Variants in MYRIP observed in about 807,000 individuals in gnomAD.
MYRIP encodes the protein myosin VIIA and Rab interacting protein.
In MYRIP, 49 loss-of-function variants were observed where a neutral mutation model predicts 98.0. The observed-to-expected ratio is 0.50, with a 90% confidence interval of 0.40 to 0.63. MYRIP has a LOEUF of 0.63. Among genes scored for constraint, MYRIP ranks in the 30% least tolerant of loss-of-function variants. The probability of loss-of-function intolerance (pLI) is 0.00; values close to 1 mark genes in which losing one functional copy is unlikely to be tolerated. For synonymous variants in MYRIP, 404 were observed against 409.5 expected, an observed-to-expected ratio of 0.99 and a Z score of 0.16; for missense variants, 1,004 against 1,058.2, an observed-to-expected ratio of 0.95 and a Z score of 0.71.
intron 3 of MYRIP, among the ~76,000 whole-genome samples, chr3:40,063,556 T>A (rs1380168498): frequency 6.6e-6 from 1 of 152,236 alleles, no homozygotes; most frequent in Non-Finnish European, 1.5e-5. Flanking sequence ...AAATTTTCAC[T>A]TGCATCTTTG....
intron 1 of MYRIP, among the ~76,000 whole-genome samples, chr3:39,835,363 G>T (rs901743968): frequency 3.1e-4 from 47 of 152,084 alleles, no homozygotes; most frequent in Admixed American, 1.5e-3. Flanking sequence ...TGGGGGCGGG[G>T]GGTGTGGTGA....
intron 2 of MYRIP, among the ~76,000 whole-genome samples, chr3:39,975,478 T>A (rs998718791): frequency 6.6e-6 from 1 of 151,852 alleles, no homozygotes; most frequent in Non-Finnish European, 1.5e-5. Flanking sequence ...CTGCCCAAGG[T>A]AATTTACAGA....
chr3:39,994,737 C>T (rs184622517), intron 2 of MYRIP, among the ~76,000 whole-genome samples: 109 of 152,338 alleles, frequency 7.2e-4, no homozygotes, highest in African/African-American at 1.9e-3. Flanking sequence ...GACAGACTGC[C>T]TCTTCAAGTG....
At chr3:39,973,624 T>G (rs1311845283) in intron 2 of MYRIP, among the ~76,000 whole-genome samples, 1 of 152,142 alleles carries the variant, frequency 6.6e-6, no homozygotes, top group East Asian at 1.9e-4. Context: ...ACACCACACT[T>G]ATTCCAAAAT....
At position 40,125,299 on chromosome 3, in the gene MYRIP, T is replaced by A. The variant is rs143857778; in HGVS notation, c.333-25749T>A. ...GTCCCACAATAGGCTGTCTGTAAGC[T>A]TGAGGAGCAAGAAGAGCCAGTCCAA... On this transcript the variant is annotated intron_variant, in intron 3 of 16. Transcript: ENST00000302541. Among the ~76,000 whole-genome samples the A allele has an allele frequency of 9.8e-5, 15 of 152,298 alleles. 1 individual carries two copies. In the East Asian group the frequency reaches 2.1e-3, roughly 22 times the overall value.
At chr3:40,115,988 T>C (rs1949267935) in intron 3 of MYRIP, among the ~76,000 whole-genome samples, 1 of 152,184 alleles carries the variant, frequency 6.6e-6, no homozygotes, top group Non-Finnish European at 1.5e-5. Context: ...TAATGACAAC[T>C]GCACAGCACG....
intron 1 of MYRIP, among the ~76,000 whole-genome samples, chr3:39,853,566 G>A (rs1942202601): frequency 1.3e-5 from 2 of 152,012 alleles, no homozygotes; most frequent in African/African-American, 2.4e-5. Flanking sequence ...TTTGAGAAAT[G>A]GCTATTCATG....
At chr3:40,190,499 T>C in intron 10 of MYRIP, 36 bp downstream of exon 10, 2 of 1,541,766 alleles carry the variant, frequency 1.3e-6, no homozygotes, top group South Asian at 2.5e-5. Flanking sequence ...GCACACACAC[T>C]CTTTAGGTAG....
chr3:39,899,406 C>CTTAT (rs1013742962), intron 1 of MYRIP, among the ~76,000 whole-genome samples: 18 of 151,970 alleles, frequency 1.2e-4, no homozygotes, highest in South Asian at 2.1e-4. Context: ...TTTTTCCAGT[C>CTTAT]TTATTTATTT....
intron 1 of MYRIP, among the ~76,000 whole-genome samples, chr3:39,870,750 T>C (rs1325965427): frequency 6.6e-6 from 1 of 152,358 alleles, no homozygotes; most frequent in Non-Finnish European, 1.5e-5. Context: ...AATGAAAACA[T>C]TAAATACAAC....
In MYRIP at chr3:40,210,036, G is replaced by A; in HGVS notation, c.1848G>A (p.Gln616=). The part of the protein sequence containing the change: ...ESEPKTESEN[Q]KESLSSEDNS... The stretch of plus-strand genomic sequence containing the variant: ...AGCCCAAGACAGAATCTGAGAACCA[G>A]AAGGAAAGTCTGTCCTCTGAAGACA... The change falls in exon 11 of 17, where the codon CAG becomes CAA. Residue 616 remains glutamine, a synonymous_variant. Coordinates refer to ENST00000302541, the MANE Select transcript of MYRIP (RefSeq NM_015460.4). 1 of 1,614,098 alleles carries A rather than the reference G, an allele frequency of 6.2e-7. No individual in the cohort carries two copies. The highest frequency in any genetic ancestry group is 8.5e-7 in the Non-Finnish European group (1 of 1,179,968).
At chr3:39,922,165 G>A (rs1222674399) in intron 2 of MYRIP, among the ~76,000 whole-genome samples, 1 of 152,086 alleles carries the variant, frequency 6.6e-6, no homozygotes, top group Non-Finnish European at 1.5e-5. Flanking sequence ...AGTCTTGAAG[G>A]TGAAAAAGTT....
chr3:39,983,560 T>G lies in MYRIP; in HGVS notation c.111-60490T>G, dbSNP rs144296572. The stretch of plus-strand genomic sequence containing the variant: ...TTGATCTATTCTATTTACTTATTTA[T>G]TCAACAAATAGCCTGCCACTGGATC... On this transcript the variant is annotated intron_variant, in intron 2 of 16. Coordinates refer to ENST00000302541, the MANE Select transcript of MYRIP (RefSeq NM_015460.4). Among the ~76,000 whole-genome samples the G allele has an allele frequency of 2.4e-3, 359 of 152,280 alleles. 2 individuals carry two copies. Among genetic ancestry groups the G allele is most frequent in the Non-Finnish European group, 3.0e-3 (201 of 68,012 alleles).
At chr3:40,052,769 C>G (rs1015865896) in intron 3 of MYRIP, among the ~76,000 whole-genome samples, 3 of 152,022 alleles carry the variant, frequency 2.0e-5, no homozygotes, top group African/African-American at 7.3e-5. Flanking sequence ...TCTAAATGCT[C>G]AACAATAAAA....
At chr3:40,190,500 C>G in intron 10 of MYRIP, 37 bp downstream of exon 10, 1 of 1,541,492 alleles carries the variant, frequency 6.5e-7, no homozygotes, top group Non-Finnish European at 8.7e-7. Flanking sequence ...CACACACACT[C>G]TTTAGGTAGG....
In MYRIP at chr3:39,960,986, T is replaced by C. The variant is rs186560614; in HGVS notation, c.110+60060T>C. On this transcript the variant is annotated intron_variant, in intron 2 of 16. Transcript: ENST00000302541. The stretch of plus-strand genomic sequence containing the variant: ...GCTGCTCTTTTAATGTCATGCCGAA[T>C]GGAATGGCACTTCGCAATCTCTCAA... Among the ~76,000 whole-genome samples, 271 of 152,272 alleles carry C rather than the reference T, an allele frequency of 1.8e-3. 1 individual carries two copies. Among genetic ancestry groups the C allele is most frequent in the South Asian group, 7.3e-3 (35 of 4,822 alleles).
At chr3:40,256,621 T>A (rs1953600507) in intron 16 of MYRIP, among the ~76,000 whole-genome samples, 1 of 152,034 alleles carries the variant, frequency 6.6e-6, no homozygotes. Flanking sequence ...CAATGTGATG[T>A]AAAACTATTC....
chr3:39,958,635 TA>T (rs1945238505), intron 2 of MYRIP, among the ~76,000 whole-genome samples: 1 of 152,148 alleles, frequency 6.6e-6, no homozygotes, highest in Admixed American at 6.5e-5. Context: ...ACTTCATGTC[TA>T]AAACAACAAA....
intron 2 of MYRIP, among the ~76,000 whole-genome samples, chr3:39,985,473 G>A (rs1344121544): frequency 1.6e-5 from 2 of 123,236 alleles, no homozygotes; most frequent in African/African-American, 6.7e-5. Context: ...AGTTCATATG[G>A]AACCAAAAAA....
Sources: allele counts gnomAD v4.1 joint callset (sites outside exome capture counted in the v4.1 genomes callset), GRCh38; gene constraint gnomAD v4.1.1; transcripts MANE v1.5; gene names NCBI Gene and HGNC (gene_info 2026-07-23, HGNC 2026-07-21).